The following LGR5 variants were observed in gnomAD, a reference collection of about 807,000 sequenced individuals.
LGR5 encodes the protein leucine-rich repeat-containing G protein-coupled receptor 5.
LGR5 carries 54 observed loss-of-function variants against 76.7 expected under a neutral mutation model. That is an observed-to-expected ratio of 0.70 (90% CI 0.57 to 0.88). The LOEUF (loss-of-function observed/expected upper bound fraction) is 0.88. Among genes scored for constraint, LGR5 ranks in the 40% least tolerant of loss-of-function variants. The pLI, the probability that LGR5 is intolerant of heterozygous loss-of-function variation, is 0.00. For missense variants in LGR5, 1,078 were observed against 1,073.3 expected, an observed-to-expected ratio of 1.00 and a Z score of -0.06; for synonymous variants, 406 against 421.9, an observed-to-expected ratio of 0.96 and a Z score of 0.46.
chr12:71,487,563 T>C (rs921916279), intron 1 of LGR5, among the ~76,000 whole-genome samples: 1 of 152,090 alleles, frequency 6.6e-6, no homozygotes, highest in Non-Finnish European at 1.5e-5. Flanking sequence ...TATAGGCCCA[T>C]GCCACCACAC....
intron 1 of LGR5, among the ~76,000 whole-genome samples, chr12:71,473,049 A>G (rs544106918): frequency 4.9e-4 from 74 of 152,344 alleles, no homozygotes; most frequent in Admixed American, 1.4e-3. Context: ...TTCAGTGCAC[A>G]TATACTATGC....
At chr12:71,569,187 A>C (rs1878487503) in intron 11 of LGR5, among the ~76,000 whole-genome samples, 1 of 152,236 alleles carries the variant, frequency 6.6e-6, no homozygotes, top group Non-Finnish European at 1.5e-5. Context: ...TTAAATGTAA[A>C]ACTTAAAATA....
intron 2 of LGR5, among the ~76,000 whole-genome samples, chr12:71,511,991 T>C (rs1875179191): frequency 6.6e-6 from 1 of 151,952 alleles, no homozygotes; most frequent in Non-Finnish European, 1.5e-5. Context: ...TTGTTTGTTT[T>C]GTTTGTTTGT....
chr12:71,470,532 A>T (rs1873051399), intron 1 of LGR5, among the ~76,000 whole-genome samples: 1 of 152,078 alleles, frequency 6.6e-6, no homozygotes, highest in Non-Finnish European at 1.5e-5. Flanking sequence ...ATGTCTACAT[A>T]CACACATATA....
chr12:71,447,312 GA>G (rs1310894080), intron 1 of LGR5, among the ~76,000 whole-genome samples: 6 of 152,100 alleles, frequency 3.9e-5, no homozygotes, highest in Non-Finnish European at 7.4e-5. Context: ...TTCAAATAAT[GA>G]AAAACCTTTT....
intron 12 of LGR5, among the ~76,000 whole-genome samples, chr12:71,571,902 T>C (rs1459317537): frequency 6.6e-6 from 1 of 152,168 alleles, no homozygotes; most frequent in Non-Finnish European, 1.5e-5. Context: ...AACTTACATA[T>C]CCAATGAGTG....
chr12:71,488,136 G>C (rs1040245923), intron 1 of LGR5, among the ~76,000 whole-genome samples: 2 of 152,192 alleles, frequency 1.3e-5, no homozygotes, highest in African/African-American at 4.8e-5. Context: ...GCTATACTTT[G>C]AACAGTAGAC....
intron 11 of LGR5, chr12:71,567,275 T>TGATACGG: frequency 4.2e-6 from 1 of 239,306 alleles, no homozygotes; most frequent in Non-Finnish European, 8.3e-6. Context: ...GATGCCAAAA[T>TGATACGG]CAAAAACTGA....
chr12:71,482,378 T>C (rs1027044548), intron 1 of LGR5, among the ~76,000 whole-genome samples: 8 of 152,158 alleles, frequency 5.3e-5, no homozygotes, highest in African/African-American at 1.4e-4. Context: ...CTGAAGGCTC[T>C]CTCCTTGGCT....
chr12:71,497,800 T>G (rs191383052), intron 1 of LGR5, among the ~76,000 whole-genome samples: 28 of 152,360 alleles, frequency 1.8e-4, no homozygotes, highest in African/African-American at 6.5e-4. Flanking sequence ...TAAATATTTG[T>G]CTTCGACTGT....
At position 71,519,159 on chromosome 12, in the gene LGR5, G is replaced by A. The variant is rs563154847; in HGVS notation, c.285-5247G>A. On this transcript the variant is annotated intron_variant, in intron 2 of 17. Transcript: ENST00000266674. ...CTGTTATTCCACTCCAGCCATGCTC[G>A]CCTCCTTGCAGCTTCTGGACCACAC... is the stretch of plus-strand genomic sequence containing the variant. Among the ~76,000 whole-genome samples, 223 of 152,014 alleles carry A rather than the reference G, an allele frequency of 1.5e-3. 1 individual carries two copies. The highest frequency in any genetic ancestry group is 6.8e-3 in the Middle Eastern group (2 of 294).
Position 71,504,676 on chromosome 12 carries a change from T to C in LGR5, c.275T>C (p.Leu92Pro). 4 of 1,612,692 alleles carry C rather than the reference T, an allele frequency of 2.5e-6. No individual in the cohort carries two copies. Among genetic ancestry groups the C allele is most frequent in the Non-Finnish European group, 3.4e-6 (4 of 1,178,740 alleles). The change falls in exon 2 of 18, where the codon CTG becomes CCG. Residue 92 changes from leucine to proline, a missense_variant. By Grantham distance (98) the Leu-to-Pro change is moderately conservative. Transcript: ENST00000266674. ...AATCCCCTGCCCAGTCTCCGCTTCC[T>C]GGAGGAGTTGTAAGTATCACTGTAG... The part of the protein sequence containing the change: ...LPNPLPSLRF[L>P]EELRLAGNAL...
intron 1 of LGR5, among the ~76,000 whole-genome samples, chr12:71,475,625 TG>T (rs1454821011): frequency 6.6e-6 from 1 of 152,210 alleles, no homozygotes; most frequent in Non-Finnish European, 1.5e-5. Context: ...CTACCAGAAA[TG>T]CTTTTCCTTC....
chr12:71,476,206 A>G (rs1179512842), intron 1 of LGR5, among the ~76,000 whole-genome samples: 1 of 152,148 alleles, frequency 6.6e-6, no homozygotes, highest in African/African-American at 2.4e-5. Flanking sequence ...ACTATTCTTC[A>G]TTTGATATTG....
intron 1 of LGR5, among the ~76,000 whole-genome samples, chr12:71,486,985 G>T (rs1873858333): frequency 6.6e-6 from 1 of 152,130 alleles, no homozygotes; most frequent in African/African-American, 2.4e-5. Context: ...GTCATATCTG[G>T]TCATTTCGGG....
rs1354079398 is a variant in LGR5, at chr12:71,470,516, A to G, written c.212+30224A>G. Among the ~76,000 whole-genome samples, 3 of 152,150 alleles carry G rather than the reference A, an allele frequency of 2.0e-5. No individual in the cohort carries two copies. The East Asian group carries it at 5.8e-4, about 29-fold the overall frequency. On this transcript the variant is annotated intron_variant, in intron 1 of 17. Transcript: ENST00000266674. ...TCCAATAATATATATCCATAGGTCT[A>G]TAGATATGTCTACATACACACATAT...
chr12:71,465,492 AT>A (rs1872828785), intron 1 of LGR5, among the ~76,000 whole-genome samples: 1 of 152,128 alleles, frequency 6.6e-6, no homozygotes. Context: ...GTTCCAAAGA[AT>A]GTTTATGATC....
At chr12:71,545,308 C>T (rs1200548067) in intron 4 of LGR5, among the ~76,000 whole-genome samples, 1 of 151,912 alleles carries the variant, frequency 6.6e-6, no homozygotes, top group Admixed American at 6.6e-5. Flanking sequence ...ATTAGCTGGG[C>T]ATGGTGGTGT....
At chr12:71,528,456 G>A (rs1374288449) in intron 3 of LGR5, among the ~76,000 whole-genome samples, 1 of 151,926 alleles carries the variant, frequency 6.6e-6, no homozygotes, top group African/African-American at 2.4e-5. Context: ...AGCAAGACCT[G>A]TCTCAAAAAA....
Sources: gnomAD v4.1 joint callset for allele counts (sites outside exome capture counted in the v4.1 genomes callset) on GRCh38, gnomAD v4.1.1 for gene constraint, MANE v1.5 for transcripts, NCBI Gene and HGNC (gene_info 2026-07-23, HGNC 2026-07-21) for gene names.